HSD17B12: variants seen among roughly 807,000 people sequenced by gnomAD.
The protein encoded by HSD17B12 is very-long-chain 3-oxoacyl-CoA reductase.
In HSD17B12, 32 loss-of-function variants were observed where a neutral mutation model predicts 39.3. The ratio of observed to expected loss-of-function variants is 0.81; its 90% CI spans 0.61 to 1.09. HSD17B12 has a LOEUF of 1.09. Among genes scored for constraint, HSD17B12 ranks in the 50% least tolerant of loss-of-function variants. The pLI, the probability that HSD17B12 is intolerant of heterozygous loss-of-function variation, is 0.00. For missense variants in HSD17B12, 342 were observed against 382.9 expected (o/e 0.89, Z 0.89); for synonymous variants, 150 against 146.7 (o/e 1.02, Z -0.16).
At chr11:43,637,331 C>T in the HSD17B12 span, among the ~76,000 whole-genome samples, 26,009 of 149,940 alleles carry the variant, frequency 0.17, 2,634 homozygotes, top group Middle Eastern at 0.26. Context: ...AGCGATTCTC[C>T]TGCCTCAGCC....
At chr11:43,765,903 G>A (rs1051205272) in intron 3 of HSD17B12, among the ~76,000 whole-genome samples, 1 of 151,922 alleles carries the variant, frequency 6.6e-6, no homozygotes, top group Non-Finnish European at 1.5e-5. Context: ...GCACTATCTC[G>A]GCTCACTGCA....
At chr11:43,742,139 A>ATATATATATTTTT (rs61178234) in intron 1 of HSD17B12, among the ~76,000 whole-genome samples, 1 of 123,510 alleles carries the variant, frequency 8.1e-6, no homozygotes, top group Non-Finnish European at 1.6e-5. Context: ...ATATATATAT[A>ATATATATATTTTT]TTTTTTTTTT....
the HSD17B12 span, among the ~76,000 whole-genome samples, chr11:43,562,923 T>A: frequency 2.6e-5 from 4 of 152,074 alleles, no homozygotes; most frequent in Admixed American, 2.6e-4. Context: ...CAAGTGTGGG[T>A]GGGAGAAGAT....
chr11:43,690,375 TATA>T (rs1949843884), intron 1 of HSD17B12, among the ~76,000 whole-genome samples: 1 of 13,786 alleles, frequency 7.3e-5, no homozygotes, highest in Non-Finnish European at 1.2e-4. Context: ...TATATATATA[TATA>T]TATATATATA....
chr11:43,584,948 G>A, the HSD17B12 span, among the ~76,000 whole-genome samples: 1 of 152,178 alleles, frequency 6.6e-6, no homozygotes, highest in Non-Finnish European at 1.5e-5. Flanking sequence ...GTGTGTTCAG[G>A]AGCCTCCAAA....
intron 1 of HSD17B12, among the ~76,000 whole-genome samples, chr11:43,701,867 A>G (rs571079302): frequency 6.6e-5 from 10 of 152,234 alleles, no homozygotes; most frequent in African/African-American, 2.2e-4. Context: ...TCTGTGTAGA[A>G]CATTATTGGT....
the HSD17B12 span, among the ~76,000 whole-genome samples, chr11:43,616,797 T>TA: frequency 0.46 from 27,219 of 59,768 alleles, 6,413 homozygotes; most frequent in East Asian, 0.69. Flanking sequence ...GTGCCCAAAC[T>TA]AAAAAAAAAA....
chr11:43,575,330 T>G, the HSD17B12 span, among the ~76,000 whole-genome samples: 1 of 152,150 alleles, frequency 6.6e-6, no homozygotes, highest in East Asian at 1.9e-4. The surrounding 1 kb of genome is among the most constrained non-coding windows in gnomAD (Gnocchi z 4.1). Flanking sequence ...AGCCTTAGAA[T>G]CTGTTATTTG....
intron 1 of HSD17B12, among the ~76,000 whole-genome samples, chr11:43,727,471 A>G (rs1950231633): frequency 6.9e-6 from 1 of 145,192 alleles, no homozygotes; most frequent in Non-Finnish European, 1.5e-5. Flanking sequence ...TGCTAGAGAA[A>G]TAACTCATGA....
At chr11:43,710,291 G>A (rs1217095340) in intron 1 of HSD17B12, among the ~76,000 whole-genome samples, 1 of 152,142 alleles carries the variant, frequency 6.6e-6, no homozygotes, top group African/African-American at 2.4e-5. Flanking sequence ...TACAGTTAGA[G>A]TGATTCTTAA....
At chr11:43,643,155 T>C in the HSD17B12 span, among the ~76,000 whole-genome samples, 1 of 152,126 alleles carries the variant, frequency 6.6e-6, no homozygotes, top group African/African-American at 2.4e-5. Flanking sequence ...GGGAGAATTC[T>C]AGTTGTTGCC....
chr11:43,606,749 G>A, the HSD17B12 span, among the ~76,000 whole-genome samples: 1 of 152,322 alleles, frequency 6.6e-6, no homozygotes, highest in South Asian at 2.1e-4. Context: ...GATAGGCAGT[G>A]CTCTATGTGA....
Position 43,855,214 on chromosome 11 carries a change from G to A in HSD17B12, c.905G>A (p.Arg302Gln), listed in dbSNP as rs769775264. ...GTCATGAATATGAACAAGTCTACACGGGCTCACTATCTGAAGAAAACCAAG... is the reference window on the plus strand; with the variant it reads ...GTCATGAATATGAACAAGTCTACACAGGCTCACTATCTGAAGAAAACCAAG... ...KIVMNMNKST[R>Q]AHYLKKTKKN Residue 302 changes from arginine to glutamine, a missense_variant, in exon 11 of 11, where the codon CGG becomes CAG. Arg to Gln is a conservative substitution (Grantham distance 43, BLOSUM62 1). Transcript: ENST00000278353. 7.5e-6 allele frequency: 12 copies of A among 1,608,778 alleles called. No individual in the cohort carries two copies. The highest frequency in any genetic ancestry group is 4.0e-5 in the African/African-American group (3 of 74,604).
At chr11:43,605,168 A>G in the HSD17B12 span, among the ~76,000 whole-genome samples, 2 of 152,156 alleles carry the variant, frequency 1.3e-5, no homozygotes, top group African/African-American at 2.4e-5. Flanking sequence ...ATAAAGAGCC[A>G]TGTGGGCACT....
chr11:43,744,639 C>G (rs1950397795), intron 1 of HSD17B12, among the ~76,000 whole-genome samples: 1 of 151,942 alleles, frequency 6.6e-6, no homozygotes, highest in Non-Finnish European at 1.5e-5. Flanking sequence ...TGGATGGGAT[C>G]CTAGATCAGA....
chr11:43,578,276 GTC>G, the HSD17B12 span, among the ~76,000 whole-genome samples: 48 of 152,264 alleles, frequency 3.2e-4, no homozygotes, highest in East Asian at 9.1e-3. Flanking sequence ...AAGAGACCAG[GTC>G]TCTCTGCTTC....
chr11:43,854,716 G>A lies in HSD17B12; in HGVS notation c.686G>A (p.Ser229Asn), dbSNP rs759405478. The part of the protein sequence containing the change: ...EYRSKGVFVQ[S>N]VLPYFVATKL... ...CTGGGGTGGGTGTTCCCTTTCTAGA[G>A]TGTCCTGCCATACTTCGTAGCTACA... The change falls in exon 10 of 11, where the codon AGT becomes AAT. Residue 229 changes from serine (S) to asparagine (N), a missense_variant and splice_region_variant. Coordinates refer to ENST00000278353, the MANE Select transcript of HSD17B12 (RefSeq NM_016142.3). The A allele has an allele frequency of 1.2e-6, 2 of 1,613,430 alleles. No homozygotes were observed. The highest frequency in any genetic ancestry group is 8.5e-7 in the Non-Finnish European group (1 of 1,180,012).
the HSD17B12 span, among the ~76,000 whole-genome samples, chr11:43,649,863 TC>T: frequency 1.3e-5 from 2 of 152,178 alleles, no homozygotes; most frequent in African/African-American, 4.8e-5. Flanking sequence ...CACCCTGAAA[TC>T]ACTATGTCGT....
chr11:43,690,390 ATATATATATATATATTTTT>A (rs1334941794), intron 1 of HSD17B12, among the ~76,000 whole-genome samples: 2 of 14,588 alleles, frequency 1.4e-4, no homozygotes, highest in East Asian at 2.6e-3. Context: ...ATATATATAT[ATATATATATATATATTTTT>A]TTTTTTTTTT....
Sources: gnomAD v4.1 joint callset for allele counts (sites outside exome capture counted in the v4.1 genomes callset) on GRCh38, gnomAD v4.1.1 for gene constraint, Gnocchi (gnomAD v3.1) non-coding constraint, MANE v1.5 for transcripts, NCBI Gene and HGNC (gene_info 2026-07-23, HGNC 2026-07-21) for gene names.